The following KCNK5 variants were observed in gnomAD, a reference collection of about 807,000 sequenced individuals.
KCNK5 encodes the protein potassium two pore domain channel subfamily K member 5, also known as potassium channel subfamily K member 5.
KCNK5 carries 18 observed loss-of-function variants against 32.9 expected under a neutral mutation model. The observed-to-expected ratio is 0.55, with a 90% CI of 0.38 to 0.81. The LOEUF (loss-of-function observed/expected upper bound fraction) is 0.81, where lower values mean the gene tolerates loss of function less well. Ranked by LOEUF, KCNK5 falls within the 30% of genes least tolerant of loss-of-function variation. The pLI, the probability that KCNK5 is intolerant of heterozygous loss-of-function variation, is 0.00. For synonymous variants in KCNK5, 276 were observed against 275.3 expected (o/e 1.00, Z -0.03); for missense variants, 507 against 651.0 (o/e 0.78, Z 2.41).
chr6:39,190,398 G>A lies in KCNK5; in HGVS notation c.*492C>T, dbSNP rs1770899586. On this transcript the variant is annotated 3_prime_UTR_variant, in exon 5 of 5. Transcript: ENST00000359534. ...AGGCCCACAGCTGGGATGCGGGCGG[G>A]CCCTGCTCCTGCTGTGGTACGGAAA... 1.3e-5 allele frequency: 2 copies of A among 153,028 alleles called. No homozygotes were observed. Among genetic ancestry groups the A allele is most frequent in the African/African-American group, 2.4e-5 (1 of 41,458 alleles). 9.5% of individuals were successfully genotyped at this position (153,028 alleles called of 1,614,324 possible).
intron 1 of KCNK5, among the ~76,000 whole-genome samples, chr6:39,205,861 AT>A (rs1771215860): frequency 6.6e-6 from 1 of 152,098 alleles, no homozygotes; most frequent in Non-Finnish European, 1.5e-5. Flanking sequence ...CCCCTGGCAC[AT>A]TGTCCTTTCC....
At chr6:39,195,450 C>A (rs1431964033) in intron 2 of KCNK5, among the ~76,000 whole-genome samples, 2 of 152,214 alleles carry the variant, frequency 1.3e-5, no homozygotes, top group African/African-American at 4.8e-5. Flanking sequence ...GGAGCCCAAG[C>A]AAGAACCAGC....
At chr6:39,219,937 G>A (rs1190745269) in intron 1 of KCNK5, among the ~76,000 whole-genome samples, 2 of 152,216 alleles carry the variant, frequency 1.3e-5, no homozygotes. Context: ...TCCAGAGAGG[G>A]AAAATATGGC....
chr6:39,216,177 C>G (rs1367526763), intron 1 of KCNK5, among the ~76,000 whole-genome samples: 1 of 152,120 alleles, frequency 6.6e-6, no homozygotes, highest in Non-Finnish European at 1.5e-5. Context: ...CCCAGCTACT[C>G]AGGAGGCTGA....
At chr6:39,196,358 T>C (rs560644541) in intron 1 of KCNK5, among the ~76,000 whole-genome samples, 2 of 152,316 alleles carry the variant, frequency 1.3e-5, no homozygotes, top group East Asian at 3.9e-4. Context: ...TCCCAGGTGA[T>C]GCTGTGGACA....
intron 1 of KCNK5, among the ~76,000 whole-genome samples, chr6:39,215,372 G>A (rs1268911505): frequency 6.6e-6 from 1 of 152,196 alleles, no homozygotes; most frequent in Non-Finnish European, 1.5e-5. Context: ...CCCTTCCAAA[G>A]CTAACACTGT....
intron 1 of KCNK5, among the ~76,000 whole-genome samples, chr6:39,213,512 A>G (rs1771376830): frequency 6.6e-6 from 1 of 152,188 alleles, no homozygotes; most frequent in Non-Finnish European, 1.5e-5. Flanking sequence ...AGAAACACCA[A>G]ATGGAAGCAC....
chr6:39,228,468 C>G (rs895528255), intron 1 of KCNK5, among the ~76,000 whole-genome samples: 3 of 152,182 alleles, frequency 2.0e-5, no homozygotes, highest in African/African-American at 7.2e-5. Flanking sequence ...CTGCCGGGTT[C>G]ACGTTCCTTA....
chr6:39,212,669 A>G lies in KCNK5; in HGVS notation c.186+16257T>C, dbSNP rs185786379. On this transcript the variant is annotated intron_variant, in intron 1 of 4. Transcript: ENST00000359534. The stretch of plus-strand genomic sequence containing the variant: ...GGCCTCTGCAGGACTCCCCTCCCAG[A>G]CCACACCCCCACCACCTTTGTGTGG... Among the ~76,000 whole-genome samples the G allele has an allele frequency of 1.9e-3, 286 of 152,214 alleles. 2 individuals are homozygous for G. Among genetic ancestry groups the G allele is most frequent in the African/African-American group, 6.6e-3 (273 of 41,542 alleles).
chr6:39,190,639 T>G lies in KCNK5; in HGVS notation c.*251A>C. ...TCCCGCCAGCCAGCATGTCTTTGCATTGTGAGATACACCAGCCAAGCTCAG... is the reference window on the plus strand; with the variant it reads ...TCCCGCCAGCCAGCATGTCTTTGCAGTGTGAGATACACCAGCCAAGCTCAG... On this transcript the variant is annotated 3_prime_UTR_variant, in exon 5 of 5. Transcript: ENST00000359534. 2.1e-5 allele frequency: 8 copies of G among 380,010 alleles called. No homozygotes were observed. The highest frequency in any genetic ancestry group is 4.1e-5 in the East Asian group (1 of 24,562). 23.5% of individuals were successfully genotyped at this position (380,010 alleles called of 1,614,324 possible).
intron 1 of KCNK5, among the ~76,000 whole-genome samples, chr6:39,212,522 C>T (rs555408726): frequency 2.4e-4 from 37 of 152,308 alleles, no homozygotes; most frequent in African/African-American, 8.7e-4. Flanking sequence ...CAGTCCTGTG[C>T]TGTTTCAAGT....
chr6:39,207,790 TGGCTGC>T, intron 1 of KCNK5, among the ~76,000 whole-genome samples: 1 of 152,256 alleles, frequency 6.6e-6, no homozygotes, highest in South Asian at 2.1e-4. Flanking sequence ...TTAGTCCTTG[TGGCTGC>T]CAGTCCTGTT....
At chr6:39,222,512 T>C (rs780618792) in intron 1 of KCNK5, among the ~76,000 whole-genome samples, 2 of 152,166 alleles carry the variant, frequency 1.3e-5, no homozygotes, top group South Asian at 2.1e-4. Context: ...TTGCAAAAAT[T>C]TGATGGAGTT....
At position 39,224,610 on chromosome 6, in the gene KCNK5, A is replaced by C. The variant is rs577831223; in HGVS notation, c.186+4316T>G. ...GTACATATGGAAAACCTTAGAACACAAGAAAGCACTTTGGAGCTTAGGAAG... is the reference window on the plus strand; with the variant it reads ...GTACATATGGAAAACCTTAGAACACCAGAAAGCACTTTGGAGCTTAGGAAG... On this transcript the variant is annotated intron_variant, in intron 1 of 4. Transcript: ENST00000359534. Among the ~76,000 whole-genome samples, 77 of 152,350 alleles carry C rather than the reference A, an allele frequency of 5.1e-4. 1 individual carries two copies. The highest frequency in any genetic ancestry group is 1.7e-3 in the African/African-American group (71 of 41,596).
intron 1 of KCNK5, among the ~76,000 whole-genome samples, chr6:39,220,270 G>T (rs191988921): frequency 1.3e-5 from 2 of 152,338 alleles, no homozygotes; most frequent in East Asian, 3.9e-4. Context: ...CCAGATTACA[G>T]TGGGGCACGG....
chr6:39,200,903 G>C (rs1771123247), intron 1 of KCNK5, among the ~76,000 whole-genome samples: 1 of 152,194 alleles, frequency 6.6e-6, no homozygotes, highest in South Asian at 2.1e-4. Context: ...TGGGGCTTTG[G>C]GACATGCCAC....
Position 39,194,287 on chromosome 6 carries a change from T to C in KCNK5, c.516A>G (p.Leu172=). Residue 172 remains leucine, a synonymous_variant, in exon 4 of 5, where the codon CTA becomes CTG. Coordinates refer to ENST00000359534, the MANE Select transcript of KCNK5 (RefSeq NM_003740.4). The surrounding 1 kb of genome is among the most constrained non-coding windows in gnomAD (Gnocchi z 4.7). ...CGAAGGGTGGGATCACCAGGTGGAC[T>C]AGGACGCCCCACACGATGAAGATGA... is the stretch of plus-strand genomic sequence containing the variant. ...CTVIFIVWGV[L]VHLVIPPFVF... 6.2e-7 allele frequency: 1 copy of C among 1,613,912 alleles called. No individual in the cohort carries two copies. The highest frequency in any genetic ancestry group is 8.5e-7 in the Non-Finnish European group (1 of 1,179,896).
At chr6:39,209,604 GA>G (rs530841793) in intron 1 of KCNK5, among the ~76,000 whole-genome samples, 2 of 152,212 alleles carry the variant, frequency 1.3e-5, no homozygotes, top group South Asian at 4.1e-4. Context: ...ACAGGAAATG[GA>G]AATTCTTCAC....
Position 39,229,381 on chromosome 6 carries a change from G to A in KCNK5, c.-270C>T. ...TGAAAGGGCGCCCTGGACCGCGGAT[G>A]CGTAAGGAGCGGGAAGAACACAGGA... On this transcript the variant is annotated 5_prime_UTR_variant, in exon 1 of 5. Transcript: ENST00000359534. The A allele has an allele frequency of 3.9e-6, 2 of 511,870 alleles. No individual in the cohort carries two copies. The highest frequency in any genetic ancestry group is 7.1e-6 in the Non-Finnish European group (2 of 281,866). 31.7% of individuals were successfully genotyped at this position (511,870 alleles called of 1,614,324 possible).
Sources: gnomAD v4.1 joint callset for allele counts (sites outside exome capture counted in the v4.1 genomes callset) on GRCh38, gnomAD v4.1.1 for gene constraint, Gnocchi (gnomAD v3.1) non-coding constraint, MANE v1.5 for transcripts, NCBI Gene and HGNC (gene_info 2026-07-23, HGNC 2026-07-21) for gene names.